The following TDRD3 variants were observed in gnomAD, a reference collection of about 807,000 sequenced individuals.
The protein encoded by TDRD3 is tudor domain containing 3, also known as tudor domain-containing protein 3.
In TDRD3, 45 loss-of-function variants were observed where a neutral mutation model predicts 86.7. The ratio of observed to expected loss-of-function variants is 0.52; its 90% confidence interval spans 0.41 to 0.67. TDRD3 has a LOEUF of 0.67. Among genes scored for constraint, TDRD3 ranks in the 30% least tolerant of loss-of-function variants. The pLI is 0.00. For synonymous variants in TDRD3, 298 were observed against 301.7 expected (o/e 0.99, Z 0.13); for missense variants, 814 against 889.0 (o/e 0.92, Z 1.07).
intron 5 of TDRD3, 134 bp downstream of exon 5, chr13:60,467,513 G>C: frequency 5.2e-6 from 5 of 967,352 alleles, no homozygotes; most frequent in African/African-American, 1.7e-5. Flanking sequence ...TATCTTTAGA[G>C]AAACTATCTT....
chr13:60,537,309 A>ACT (rs1297308461), intron 12 of TDRD3: 6 of 149,842 alleles, frequency 4.0e-5, no homozygotes, highest in Non-Finnish European at 8.8e-5. Flanking sequence ...TAAATAATTA[A>ACT]CTTAGTTGAG....
At chr13:60,572,605 G>A (rs1215686513) in intron 13 of TDRD3, among the ~76,000 whole-genome samples, 1 of 152,168 alleles carries the variant, frequency 6.6e-6, no homozygotes, top group Non-Finnish European at 1.5e-5. Flanking sequence ...AAGGCTCAAT[G>A]TGTAAAGCAG....
intron 10 of TDRD3, 47 bp downstream of exon 10, chr13:60,510,802 C>CA: frequency 8.3e-7 from 1 of 1,204,024 alleles, no homozygotes; most frequent in Non-Finnish European, 1.1e-6. Context: ...TCTTTTCTTT[C>CA]TTTTTTTTTT....
chr13:60,468,775 G>A (rs548295356), intron 5 of TDRD3, among the ~76,000 whole-genome samples: 1 of 152,188 alleles, frequency 6.6e-6, no homozygotes, highest in Admixed American at 6.5e-5. Context: ...AACTTTACAT[G>A]TAATAGATGT....
intron 8 of TDRD3, among the ~76,000 whole-genome samples, chr13:60,497,867 G>A (rs1956750976): frequency 6.6e-6 from 1 of 152,084 alleles, no homozygotes; most frequent in African/African-American, 2.4e-5. Context: ...AGCAGACATG[G>A]GAATGTATAT....
chr13:60,477,037 A>G (rs774985977), intron 5 of TDRD3, among the ~76,000 whole-genome samples: 1 of 151,740 alleles, frequency 6.6e-6, no homozygotes, highest in Non-Finnish European at 1.5e-5. Context: ...TGGATGTCAT[A>G]TATTTCTTTC....
intron 12 of TDRD3, among the ~76,000 whole-genome samples, chr13:60,541,787 G>A (rs1244148050): frequency 1.6e-5 from 2 of 128,142 alleles, no homozygotes; most frequent in African/African-American, 6.0e-5. Flanking sequence ...TGGTGCAATG[G>A]CACAATCTCG....
intron 3 of TDRD3, among the ~76,000 whole-genome samples, chr13:60,454,386 T>C (rs1239598333): frequency 6.6e-6 from 1 of 152,206 alleles, no homozygotes; most frequent in African/African-American, 2.4e-5. Context: ...GCTTAAAATT[T>C]TTTTTAATAA....
At chr13:60,534,968 A>C (rs1201184814) in intron 11 of TDRD3, 140 bp from the exon 12 acceptor site, 4 of 773,276 alleles carry the variant, frequency 5.2e-6, no homozygotes, top group Non-Finnish European at 7.8e-6. Context: ...TACTAATGTG[A>C]CTCAAAAGGG....
At chr13:60,415,786 C>G (rs186648987) in intron 1 of TDRD3, among the ~76,000 whole-genome samples, 6 of 152,190 alleles carry the variant, frequency 3.9e-5, no homozygotes, top group African/African-American at 7.2e-5. Context: ...ATGAAAAGAT[C>G]AGATTTGCCA....
chr13:60,435,482 C>T (rs1252907148), intron 1 of TDRD3, among the ~76,000 whole-genome samples: 1 of 152,200 alleles, frequency 6.6e-6, no homozygotes, highest in Non-Finnish European at 1.5e-5. Flanking sequence ...TTTGCACCCT[C>T]ATGCCTTAGC....
chr13:60,560,732 G>A (rs1374013194), intron 12 of TDRD3, among the ~76,000 whole-genome samples: 1 of 152,122 alleles, frequency 6.6e-6, no homozygotes, highest in Non-Finnish European at 1.5e-5. Flanking sequence ...ATGATATCCT[G>A]TAGAATCATA....
intron 12 of TDRD3, among the ~76,000 whole-genome samples, chr13:60,563,902 T>C (rs1425141104): frequency 1.3e-5 from 2 of 152,242 alleles, no homozygotes; most frequent in Non-Finnish European, 2.9e-5. Context: ...TTGAAGATGA[T>C]ATGCAGGAAA....
chr13:60,460,382 C>T lies in TDRD3; in HGVS notation c.195C>T (p.Leu65=), dbSNP rs267603855. 2.8e-5 allele frequency: 45 copies of T among 1,597,384 alleles called. No homozygotes were observed. The highest frequency in any genetic ancestry group is 2.2e-4 in the Admixed American group (12 of 55,530). ...TTTATTCTTTTCTGTTTTGACAGCT[C>T]GAAGGTCCATGTGTTTTGCAAATTC... ...SDINSGKVEK[L]EGPCVLQIQK... Residue 65 remains leucine, a splice_region_variant and synonymous_variant, in exon 4 of 14, where the codon CTC becomes CTT. Coordinates refer to ENST00000377881, the MANE Select transcript of TDRD3 (RefSeq NM_001146070.2).
chr13:60,526,561 T>C (rs1566273235), intron 10 of TDRD3, among the ~76,000 whole-genome samples: 1 of 151,936 alleles, frequency 6.6e-6, no homozygotes, highest in African/African-American at 2.4e-5. Context: ...ATTGACTGCA[T>C]TTGTTAAAAT....
chr13:60,562,046 C>T lies in TDRD3; in HGVS notation c.2119-5479C>T, dbSNP rs568706453. Among the ~76,000 whole-genome samples the T allele has an allele frequency of 1.3e-4, 20 of 152,236 alleles. No homozygotes were observed. The Middle Eastern group carries it at 0.01, about 78-fold the overall frequency. On this transcript the variant is annotated intron_variant, in intron 12 of 13. Transcript: ENST00000377881. ...AGAGCTGAGGCTGGGTGCAGTGGCT[C>T]ATGCCTGTAATCCCAGCACTTTGAG...
chr13:60,494,462 G>T lies in TDRD3; in HGVS notation c.745G>T (p.Gly249Cys). ...ETKTFGGGGGGARSNLNMNAA... is the reference protein window; with the variant it reads ...ETKTFGGGGGCARSNLNMNAA... The stretch of plus-strand genomic sequence containing the variant: ...CAAGACATTTGGAGGAGGTGGTGGT[G>T]GTGCTAGAAGTAATCTCAATATGAA... Residue 249 changes from glycine to cysteine, a missense_variant, in exon 8 of 14, where the codon GGT (glycine) becomes TGT (cysteine). Transcript: ENST00000377881. The T allele has an allele frequency of 6.2e-7, 1 of 1,613,252 alleles. No homozygotes were observed. Among genetic ancestry groups the T allele is most frequent in the Non-Finnish European group, 8.5e-7 (1 of 1,179,522 alleles).
chr13:60,509,059 A>G (rs974456991), intron 8 of TDRD3, among the ~76,000 whole-genome samples: 5 of 152,238 alleles, frequency 3.3e-5, no homozygotes, highest in African/African-American at 1.2e-4. Context: ...AAAACAATGT[A>G]TAAACATGTT....
chr13:60,405,389 A>G (rs1954210923), intron 1 of TDRD3, among the ~76,000 whole-genome samples: 1 of 152,240 alleles, frequency 6.6e-6, no homozygotes, highest in Admixed American at 6.5e-5. Context: ...TATAAAGAAT[A>G]CTAGAGAGGA....
Sources: gnomAD v4.1 joint callset for allele counts (sites outside exome capture counted in the v4.1 genomes callset) on GRCh38, gnomAD v4.1.1 for gene constraint, MANE v1.5 for transcripts, NCBI Gene and HGNC (gene_info 2026-07-23, HGNC 2026-07-21) for gene names.